NXN: variants seen among roughly 807,000 people sequenced by gnomAD.
NXN encodes nucleoredoxin 1.
A neutral mutation model predicts 48.6 loss-of-function variants in NXN; 16 were observed. The ratio of observed to expected loss-of-function variants is 0.33; its 90% CI spans 0.22 to 0.50. The LOEUF (loss-of-function observed/expected upper bound fraction) is 0.50, where lower values mean the gene tolerates loss of function less well. Ranked by LOEUF, NXN falls within the 20% of genes least tolerant of loss-of-function variation. The probability of loss-of-function intolerance (pLI) is 0.98; values close to 1 mark genes in which losing one functional copy is unlikely to be tolerated. For synonymous variants in NXN, 281 were observed against 269.6 expected (o/e 1.04, Z -0.41); for missense variants, 492 against 605.5 (o/e 0.81, Z 1.97).
chr17:911,485 G>A (rs144193225), intron 1 of NXN, among the ~76,000 whole-genome samples: 2,048 of 151,616 alleles, frequency 0.014, 47 homozygotes, highest in African/African-American at 0.047. Context: ...GACTACAGAC[G>A]CCCGGCTAAT....
At chr17:835,335 A>G (rs1913754050) in intron 1 of NXN, among the ~76,000 whole-genome samples, 1 of 151,888 alleles carries the variant, frequency 6.6e-6, no homozygotes, top group African/African-American at 2.4e-5. Context: ...AAAACGTCAT[A>G]GCAAACCCCC....
rs879224328 is a variant in NXN at position 825,946 on chromosome 17, G to A, written c.478+15C>T. ...TGGGTAATAAGAGGACCATATGCAC[G>A]GGCTGAGGTTTTACCTTCTGGGTCA... On this transcript the variant is annotated intron_variant, in intron 2 of 7. Coordinates refer to ENST00000336868, the MANE Select transcript of NXN (RefSeq NM_022463.5). The surrounding 1 kb of genome is among the most constrained non-coding windows in gnomAD (Gnocchi z 4.1). The A allele has an allele frequency of 9.7e-6, 15 of 1,549,814 alleles. No homozygotes were observed. The highest frequency in any genetic ancestry group is 2.2e-5 in the East Asian group (1 of 44,584).
At chr17:809,682 G>T in intron 5 of NXN, among the ~76,000 whole-genome samples, 1 of 152,336 alleles carries the variant, frequency 6.6e-6, no homozygotes, top group South Asian at 2.1e-4. Context: ...TGGTGAGGAC[G>T]CACCAGCAGG....
intron 5 of NXN, among the ~76,000 whole-genome samples, chr17:813,884 T>C (rs1356915000): frequency 6.6e-6 from 1 of 151,846 alleles, no homozygotes; most frequent in East Asian, 1.9e-4. Context: ...GAAGATCGCT[T>C]GAACCCGGGA....
At chr17:815,639 G>A (rs934151416) in intron 5 of NXN, among the ~76,000 whole-genome samples, 1 of 151,956 alleles carries the variant, frequency 6.6e-6, no homozygotes, top group African/African-American at 2.4e-5. Flanking sequence ...GGTTTTGAAG[G>A]CGATGAGGCA....
intron 1 of NXN, among the ~76,000 whole-genome samples, chr17:853,717 A>ATT (rs1380866394): frequency 4.3e-5 from 4 of 92,638 alleles, no homozygotes; most frequent in Non-Finnish European, 6.4e-5. Flanking sequence ...ATATATATAT[A>ATT]TATATATTTT....
intron 1 of NXN, chr17:959,266 C>A: frequency 1.9e-6 from 1 of 523,172 alleles, no homozygotes; most frequent in East Asian, 4.0e-5. Flanking sequence ...CCTTCCTTTC[C>A]CCTCCATGAC....
At position 919,360 on chromosome 17, in the gene NXN, TCAAAA is replaced by T. The variant is rs1484564138; in HGVS notation, c.360+59954_360+59958del. Among the ~76,000 whole-genome samples the T allele has an allele frequency of 3.5e-5, 5 of 141,484 alleles. No individual in the cohort carries two copies. The highest frequency in any genetic ancestry group is 2.8e-4 in the East Asian group (1 of 3,526). The allele number at this position is 141,484 out of a possible 152,430, so 92.8% of individuals were successfully genotyped here. On this transcript the variant is annotated intron_variant, in intron 1 of 7. Coordinates refer to ENST00000336868, the MANE Select transcript of NXN (RefSeq NM_022463.5). The surrounding 1 kb of genome is among the most constrained non-coding windows in gnomAD (Gnocchi z 5.1). ...CCTGGTGACAGAGTGAGACTCTGTCTCAAAACAAAACAAAAAAAAGGTTCTGGAAT... is the reference window on the plus strand; with the variant it reads ...CCTGGTGACAGAGTGAGACTCTGTCTCAAAACAAAAAAAAGGTTCTGGAAT...
chr17:815,065 C>T (rs1912392833), intron 5 of NXN, among the ~76,000 whole-genome samples: 1 of 152,336 alleles, frequency 6.6e-6, no homozygotes, highest in South Asian at 2.1e-4. Flanking sequence ...CATGCCTAGG[C>T]AGTAGTTACA....
At chr17:960,610 C>A (rs1466772654) in intron 1 of NXN, among the ~76,000 whole-genome samples, 1 of 38,744 alleles carries the variant, frequency 2.6e-5, no homozygotes, top group Non-Finnish European at 4.5e-4. Context: ...TCCTGAGTAG[C>A]TGAACTACAG....
At chr17:945,231 G>A (rs1237592445) in intron 1 of NXN, among the ~76,000 whole-genome samples, 11 of 151,424 alleles carry the variant, frequency 7.3e-5, no homozygotes, top group African/African-American at 1.2e-4. Context: ...ACAGGCGCCC[G>A]CCACCACGCC....
intron 1 of NXN, among the ~76,000 whole-genome samples, chr17:966,859 G>T (rs866927271): frequency 5.2e-5 from 6 of 114,298 alleles, no homozygotes; most frequent in Non-Finnish European, 1.1e-4. Context: ...TGGCCTGGGT[G>T]GGGGGGAAGG....
At chr17:874,427 TA>T (rs1332053127) in intron 1 of NXN, among the ~76,000 whole-genome samples, 2 of 151,882 alleles carry the variant, frequency 1.3e-5, no homozygotes, top group Non-Finnish European at 2.9e-5. Context: ...CTGCTAAAAA[TA>T]AAAAAATTAG....
chr17:968,211 G>T (rs990192955), intron 1 of NXN, among the ~76,000 whole-genome samples: 1 of 152,230 alleles, frequency 6.6e-6, no homozygotes, highest in African/African-American at 2.4e-5. Context: ...AATGTGGGTG[G>T]ATATGTGGGG....
chr17:831,581 C>T (rs1913476827), intron 1 of NXN, among the ~76,000 whole-genome samples: 1 of 152,022 alleles, frequency 6.6e-6, no homozygotes, highest in Non-Finnish European at 1.5e-5. Flanking sequence ...CTCATTGCAA[C>T]CTCCACCTCC....
chr17:937,195 G>A (rs1320436858), intron 1 of NXN, among the ~76,000 whole-genome samples: 25 of 152,030 alleles, frequency 1.6e-4, no homozygotes, highest in Admixed American at 1.6e-3. Context: ...TGTTGGCCGG[G>A]CTGGTCTCAA....
chr17:889,418 C>T (rs1306480836), intron 1 of NXN, among the ~76,000 whole-genome samples: 3 of 152,196 alleles, frequency 2.0e-5, no homozygotes, highest in Non-Finnish European at 2.9e-5. Context: ...AGAGATTGGC[C>T]GGATGCGGTG....
chr17:955,699 A>T (rs538170860), intron 1 of NXN, among the ~76,000 whole-genome samples: 2 of 150,812 alleles, frequency 1.3e-5, no homozygotes, highest in Middle Eastern at 3.4e-3. Flanking sequence ...GATTGAGACC[A>T]TCCTGGCTAA....
chr17:835,103 T>C (rs1198920788), intron 1 of NXN, among the ~76,000 whole-genome samples: 2 of 150,456 alleles, frequency 1.3e-5, no homozygotes, highest in African/African-American at 4.9e-5. Flanking sequence ...GGTCAGGAGA[T>C]CGAGACCATC....
Sources: allele counts gnomAD v4.1 joint callset (sites outside exome capture counted in the v4.1 genomes callset), GRCh38; gene constraint gnomAD v4.1.1; non-coding constraint Gnocchi (gnomAD v3.1); transcripts MANE v1.5; gene names NCBI Gene and HGNC (gene_info 2026-07-23, HGNC 2026-07-21).